Variants in RSRC1 observed in about 807,000 individuals in gnomAD.
RSRC1 encodes serine/Arginine-related protein 53.
RSRC1 carries 39 observed loss-of-function variants against 49.1 expected under a neutral mutation model. The ratio of observed to expected loss-of-function variants is 0.79; its 90% CI spans 0.61 to 1.04. RSRC1 has a LOEUF of 1.04. Ranked by LOEUF, RSRC1 falls within the 50% of genes least tolerant of loss-of-function variation. The pLI, the probability that RSRC1 is intolerant of heterozygous loss-of-function variation, is 0.00. For missense variants in RSRC1, 388 were observed against 402.4 expected, an observed-to-expected ratio of 0.96 and a Z score of 0.31; for synonymous variants, 143 against 130.8, an observed-to-expected ratio of 1.09 and a Z score of -0.63.
intron 3 of RSRC1, among the ~76,000 whole-genome samples, chr3:158,149,231 G>A (rs1717361215): frequency 6.6e-6 from 1 of 152,102 alleles, no homozygotes; most frequent in African/African-American, 2.4e-5. Flanking sequence ...GATCATCAAA[G>A]CTCCTTTGAT....
intron 3 of RSRC1, among the ~76,000 whole-genome samples, chr3:158,174,382 G>A (rs1719071444): frequency 6.6e-6 from 1 of 151,796 alleles, no homozygotes. Context: ...AACCAATAAT[G>A]GATAAAAATG....
chr3:158,422,785 G>A (rs1342285850), intron 6 of RSRC1, among the ~76,000 whole-genome samples: 17 of 149,318 alleles, frequency 1.1e-4, no homozygotes, highest in Admixed American at 1.0e-3. Context: ...GTGTGAGATG[G>A]TATCTCATTG....
chr3:158,250,015 A>T (rs1226824350), intron 4 of RSRC1, among the ~76,000 whole-genome samples: 1 of 152,080 alleles, frequency 6.6e-6, no homozygotes, highest in African/African-American at 2.4e-5. Flanking sequence ...TCTCTCCATG[A>T]ATTCAATTGT....
chr3:158,286,726 G>A (rs1224801155), intron 4 of RSRC1, among the ~76,000 whole-genome samples: 2 of 152,210 alleles, frequency 1.3e-5, no homozygotes, highest in African/African-American at 4.8e-5. Context: ...GAGAACAGAA[G>A]TTAAACAGAA....
intron 3 of RSRC1, among the ~76,000 whole-genome samples, chr3:158,149,020 G>A (rs1178325933): frequency 6.6e-6 from 1 of 152,160 alleles, no homozygotes; most frequent in Admixed American, 6.5e-5. Context: ...CTGACCTCAG[G>A]TGATCCACCC....
intron 6 of RSRC1, among the ~76,000 whole-genome samples, chr3:158,398,431 A>G (rs751397709): frequency 6.6e-6 from 1 of 152,072 alleles, no homozygotes; most frequent in Admixed American, 6.6e-5. Flanking sequence ...TGCACACTGC[A>G]GCTTCACCGT....
intron 6 of RSRC1, among the ~76,000 whole-genome samples, chr3:158,437,532 C>T (rs935487078): frequency 2.4e-4 from 37 of 152,112 alleles, no homozygotes; most frequent in African/African-American, 8.4e-4. Context: ...TAAACGGAAT[C>T]CATCACATAA....
At chr3:158,111,294 A>T (rs1165352432) in intron 1 of RSRC1, among the ~76,000 whole-genome samples, 2 of 152,210 alleles carry the variant, frequency 1.3e-5, no homozygotes, top group Non-Finnish European at 1.5e-5. Flanking sequence ...GTGATATAAC[A>T]CTTTATGTTT....
intron 5 of RSRC1, among the ~76,000 whole-genome samples, chr3:158,349,828 A>ACAGGGC (rs1289852713): frequency 1.3e-5 from 2 of 150,416 alleles, no homozygotes; most frequent in Non-Finnish European, 3.0e-5. Context: ...CTCCTGAGTA[A>ACAGGGC]CTGGGATTAC....
rs561335576 is a variant in RSRC1 at position 158,454,175 on chromosome 3, A to G, written c.584-6760A>G. On this transcript the variant is annotated intron_variant, in intron 6 of 9. Transcript: ENST00000611884. The stretch of plus-strand genomic sequence containing the variant: ...ATGTCTTTGATTATATCTTCCCTCC[A>G]TTCTTTCTTTTAATTAAGAACTTCT... Among the ~76,000 whole-genome samples the G allele has an allele frequency of 9.9e-5, 15 of 152,058 alleles. 1 individual carries two copies. Among genetic ancestry groups the G allele is most frequent in the Admixed American group, 1.3e-4 (2 of 15,264 alleles).
At chr3:158,258,162 T>C (rs554595883) in intron 4 of RSRC1, among the ~76,000 whole-genome samples, 1 of 151,830 alleles carries the variant, frequency 6.6e-6, no homozygotes, top group South Asian at 2.1e-4. Flanking sequence ...TGATTTCTTA[T>C]GCTCATTAAT....
intron 7 of RSRC1, among the ~76,000 whole-genome samples, chr3:158,503,898 C>T (rs538141605): frequency 1.3e-5 from 2 of 152,244 alleles, no homozygotes; most frequent in African/African-American, 2.4e-5. Flanking sequence ...CAGGAGGCTT[C>T]CCATCCCATT....
At chr3:158,202,290 C>T (rs377434710) in intron 3 of RSRC1, among the ~76,000 whole-genome samples, 3 of 152,056 alleles carry the variant, frequency 2.0e-5, no homozygotes, top group East Asian at 1.9e-4. Context: ...GCTGGGATTA[C>T]AGGCGTCAGC....
At chr3:158,177,767 G>A (rs1168376475) in intron 3 of RSRC1, among the ~76,000 whole-genome samples, 2 of 152,084 alleles carry the variant, frequency 1.3e-5, no homozygotes, top group Non-Finnish European at 2.9e-5. Flanking sequence ...CTCTGCACAT[G>A]TACCCTAGAA....
chr3:158,527,646 C>T (rs887072393), intron 7 of RSRC1, among the ~76,000 whole-genome samples: 1 of 151,912 alleles, frequency 6.6e-6, no homozygotes, highest in African/African-American at 2.4e-5. Context: ...TGATACTCCT[C>T]ATTTCCTTCT....
chr3:158,330,076 C>G (rs746050520), intron 5 of RSRC1, among the ~76,000 whole-genome samples: 2 of 152,230 alleles, frequency 1.3e-5, no homozygotes, highest in African/African-American at 2.4e-5. Context: ...TGCTAAGACC[C>G]TTGGAAAAGT....
At chr3:158,420,253 C>T (rs1344416653) in intron 6 of RSRC1, among the ~76,000 whole-genome samples, 1 of 151,938 alleles carries the variant, frequency 6.6e-6, no homozygotes, top group African/African-American at 2.4e-5. Context: ...ACTCTGCCCT[C>T]CAGTTAGAGG....
In RSRC1 at chr3:158,234,873, T is replaced by G. The variant is rs115686004; in HGVS notation, c.494+31628T>G. Among the ~76,000 whole-genome samples, 631 of 152,236 alleles carry G rather than the reference T, an allele frequency of 4.1e-3. 4 individuals carry two copies. The highest frequency in any genetic ancestry group is 0.014 in the African/African-American group (595 of 41,544). ...AGTTCCTATGCATGGATGGCCTATA[T>G]TTTGATATGTATATTCAGTCTCTGT... On this transcript the variant is annotated intron_variant, in intron 4 of 9. Transcript: ENST00000611884.
At chr3:158,470,321 A>AACACACAC (rs375305594) in intron 7 of RSRC1, among the ~76,000 whole-genome samples, 38 of 136,894 alleles carry the variant, frequency 2.8e-4, no homozygotes, top group South Asian at 1.2e-3. Context: ...TGCTCTTAGA[A>AACACACAC]ACACACACAC....
Sources: allele counts gnomAD v4.1 joint callset (sites outside exome capture counted in the v4.1 genomes callset), GRCh38; gene constraint gnomAD v4.1.1; transcripts MANE v1.5; gene names NCBI Gene and HGNC (gene_info 2026-07-23, HGNC 2026-07-21).